The following CHCHD3 variants were observed in gnomAD, a reference collection of about 807,000 sequenced individuals.
The protein encoded by CHCHD3 is MICOS complex subunit MIC19.
CHCHD3 carries 20 observed loss-of-function variants against 38.2 expected under a neutral mutation model. The ratio of observed to expected loss-of-function variants is 0.52; its 90% CI spans 0.37 to 0.76. The LOEUF (loss-of-function observed/expected upper bound fraction) is 0.76, where lower values mean the gene tolerates loss of function less well. Ranked by LOEUF, CHCHD3 falls within the 30% of genes least tolerant of loss-of-function variation. CHCHD3 has a pLI of 0.00. For synonymous variants in CHCHD3, 82 were observed against 100.0 expected (o/e 0.82, Z 1.07); for missense variants, 245 against 279.2 (o/e 0.88, Z 0.87).
chr7:132,954,704 C>T (rs1811116812), intron 4 of CHCHD3, among the ~76,000 whole-genome samples: 1 of 152,122 alleles, frequency 6.6e-6, no homozygotes, highest in Non-Finnish European at 1.5e-5. Flanking sequence ...CCACAAAATC[C>T]TGCCCAGAAA....
intron 3 of CHCHD3, among the ~76,000 whole-genome samples, chr7:132,991,679 G>C (rs1812288251): frequency 6.6e-6 from 1 of 151,980 alleles, no homozygotes; most frequent in Non-Finnish European, 1.5e-5. Context: ...TCGTTTGAAT[G>C]CTTTGACTTT....
At chr7:133,042,037 A>T (rs908035662) in intron 2 of CHCHD3, among the ~76,000 whole-genome samples, 1 of 152,256 alleles carries the variant, frequency 6.6e-6, no homozygotes, top group Non-Finnish European at 1.5e-5. Context: ...GCATTAGTGT[A>T]AAGTTCTGTA....
chr7:132,901,070 G>C (rs185349689), intron 4 of CHCHD3, among the ~76,000 whole-genome samples: 204 of 152,294 alleles, frequency 1.3e-3, no homozygotes, highest in African/African-American at 4.7e-3. Flanking sequence ...ACTTTCTAAA[G>C]AAATCTTCCA....
intron 4 of CHCHD3, among the ~76,000 whole-genome samples, chr7:132,958,154 C>T (rs780482870): frequency 4.6e-5 from 7 of 152,154 alleles, no homozygotes; most frequent in Non-Finnish European, 1.0e-4. Flanking sequence ...GCTAAGAGGG[C>T]TTATTATAAA....
At chr7:132,934,734 G>A (rs544439701) in intron 4 of CHCHD3, among the ~76,000 whole-genome samples, 1 of 152,082 alleles carries the variant, frequency 6.6e-6, no homozygotes, top group East Asian at 1.9e-4. Context: ...AGGTGATGCC[G>A]CTCCTACACT....
Position 132,989,372 on chromosome 7 carries a change from G to A in CHCHD3, c.252-14086C>T, listed in dbSNP as rs143640094. Among the ~76,000 whole-genome samples, 594 of 151,166 alleles carry A rather than the reference G, an allele frequency of 3.9e-3. 7 individuals are homozygous for A. Among genetic ancestry groups the A allele is most frequent in the African/African-American group, 0.01 (432 of 41,182 alleles). On this transcript the variant is annotated intron_variant, in intron 3 of 7. Coordinates refer to ENST00000262570, the MANE Select transcript of CHCHD3 (RefSeq NM_017812.4). ...AAATTTTGTTGCAATCTGGAAATAT[G>A]CCTGCATAGCTTCAAAATGATGCAA...
At chr7:132,983,310 G>A (rs745900143) in intron 3 of CHCHD3, among the ~76,000 whole-genome samples, 2 of 152,156 alleles carry the variant, frequency 1.3e-5, no homozygotes, top group Non-Finnish European at 2.9e-5. Context: ...GTGACAGACC[G>A]AGACTCTATC....
chr7:132,923,820 T>G (rs1052063834), intron 4 of CHCHD3, among the ~76,000 whole-genome samples: 24 of 152,212 alleles, frequency 1.6e-4, no homozygotes, highest in African/African-American at 5.8e-4. Flanking sequence ...TTTGCTATCC[T>G]AACATTAAAA....
chr7:132,928,760 A>G (rs938280472), intron 4 of CHCHD3, among the ~76,000 whole-genome samples: 1 of 152,128 alleles, frequency 6.6e-6, no homozygotes, highest in Non-Finnish European at 1.5e-5. Context: ...AATATCAATA[A>G]ATCCCTTAAT....
intron 3 of CHCHD3, among the ~76,000 whole-genome samples, chr7:132,992,998 C>G (rs926301202): frequency 6.6e-6 from 1 of 152,212 alleles, no homozygotes; most frequent in African/African-American, 2.4e-5. Flanking sequence ...TGTGGGCTTG[C>G]AGTCCTTTTA....
chr7:132,953,102 A>G (rs1364297921), intron 4 of CHCHD3, among the ~76,000 whole-genome samples: 1 of 73,228 alleles, frequency 1.4e-5, no homozygotes, highest in Non-Finnish European at 2.8e-5. Flanking sequence ...AATGTCATCC[A>G]TCAAGGAAAA....
chr7:133,029,505 G>A (rs1219271029), intron 2 of CHCHD3, among the ~76,000 whole-genome samples: 1 of 152,016 alleles, frequency 6.6e-6, no homozygotes, highest in Non-Finnish European at 1.5e-5. Context: ...GTCTTTCTGT[G>A]TCTGGCTTAT....
At chr7:132,973,731 G>A in intron 4 of CHCHD3, 2 of 1,032,594 alleles carry the variant, frequency 1.9e-6, no homozygotes, top group South Asian at 3.4e-5. Context: ...GCTGGTCATG[G>A]GTTGGTCTTT....
At chr7:132,962,438 AG>A (rs774464724) in intron 4 of CHCHD3, among the ~76,000 whole-genome samples, 20 of 152,226 alleles carry the variant, frequency 1.3e-4, no homozygotes, top group Non-Finnish European at 2.5e-4. Context: ...ACGGAAACAA[AG>A]GGCATAAAGA....
intron 3 of CHCHD3, among the ~76,000 whole-genome samples, chr7:132,976,758 G>GA (rs1037040066): frequency 5.3e-5 from 8 of 151,492 alleles, no homozygotes; most frequent in African/African-American, 1.9e-4. Context: ...AAAGATTTTT[G>GA]AAAAAAACTA....
intron 3 of CHCHD3, among the ~76,000 whole-genome samples, chr7:133,015,072 T>G (rs1004776357): frequency 6.6e-6 from 1 of 152,226 alleles, no homozygotes; most frequent in Non-Finnish European, 1.5e-5. Context: ...CCAGGCACAG[T>G]GGCTCACGCC....
intron 2 of CHCHD3, among the ~76,000 whole-genome samples, chr7:133,064,860 A>G (rs1233557563): frequency 6.6e-6 from 1 of 152,150 alleles, no homozygotes; most frequent in African/African-American, 2.4e-5. Context: ...AAACAACAAA[A>G]CATCTCCTAA....
chr7:132,832,720 T>G (rs995104164), intron 6 of CHCHD3, among the ~76,000 whole-genome samples: 2 of 152,226 alleles, frequency 1.3e-5, no homozygotes, highest in South Asian at 2.1e-4. Flanking sequence ...ACAATTCACA[T>G]GCATAAACAC....
intron 4 of CHCHD3, among the ~76,000 whole-genome samples, chr7:132,939,631 C>A (rs114895161): frequency 6.6e-6 from 1 of 152,048 alleles, no homozygotes; most frequent in African/African-American, 2.4e-5. Context: ...ATGACTGTAC[C>A]AAACACTGTT....
Sources: allele counts gnomAD v4.1 joint callset (sites outside exome capture counted in the v4.1 genomes callset), GRCh38; gene constraint gnomAD v4.1.1; transcripts MANE v1.5; gene names NCBI Gene and HGNC (gene_info 2026-07-23, HGNC 2026-07-21).